The following ANKRD1 variants were observed in gnomAD, a reference collection of about 807,000 sequenced individuals.
ANKRD1 encodes ankyrin repeat domain 1.
ANKRD1 carries 32 observed loss-of-function variants against 40.1 expected under a neutral mutation model. The ratio of observed to expected loss-of-function variants is 0.80; its 90% CI spans 0.60 to 1.07. ANKRD1 has a LOEUF of 1.07. Among genes scored for constraint, ANKRD1 ranks in the 50% least tolerant of loss-of-function variants. The pLI is 0.00. For missense variants in ANKRD1, 359 were observed against 386.0 expected, an observed-to-expected ratio of 0.93 and a Z score of 0.59; for synonymous variants, 149 against 141.2, an observed-to-expected ratio of 1.06 and a Z score of -0.39.
At chr10:90,915,274 C>T (rs1325359841) in intron 8 of ANKRD1, among the ~76,000 whole-genome samples, 1 of 152,204 alleles carries the variant, frequency 6.6e-6, no homozygotes, top group Non-Finnish European at 1.5e-5. Flanking sequence ...TTTTGACTAT[C>T]TTTCATTTCC....
chr10:90,916,544 A>T (rs2120267077), intron 5 of ANKRD1, among the ~76,000 whole-genome samples: 1 of 152,336 alleles, frequency 6.6e-6, no homozygotes, highest in South Asian at 2.1e-4. Context: ...TCATGCCAAC[A>T]TGGTGCTACA....
At chr10:90,919,410 T>G in intron 2 of ANKRD1, 142 bp from the exon 3 acceptor site, 1 of 687,912 alleles carries the variant, frequency 1.5e-6, no homozygotes, top group Non-Finnish European at 2.3e-6. Context: ...ATATAAATCT[T>G]TGACTTCATT....
At chr10:90,915,478 T>G in intron 8 of ANKRD1, 65 bp downstream of exon 8, 1 of 1,385,880 alleles carries the variant, frequency 7.2e-7, no homozygotes, top group Non-Finnish European at 1.0e-6. Flanking sequence ...TCGTTTCACC[T>G]ATTTAAGAAA....
chr10:90,917,281 G>C (rs1847383020), intron 5 of ANKRD1, among the ~76,000 whole-genome samples: 1 of 152,164 alleles, frequency 6.6e-6, no homozygotes, highest in African/African-American at 2.4e-5. Context: ...ACTTTCCATA[G>C]ATGCAATTCA....
intron 2 of ANKRD1, 103 bp from the exon 3 acceptor site, chr10:90,919,371 A>AT: frequency 1.0e-6 from 1 of 987,934 alleles, no homozygotes; most frequent in Non-Finnish European, 1.5e-6. Flanking sequence ...ACATGTGAAC[A>AT]GTTTGAGCAA....
rs746944442 is a variant in ANKRD1, at chr10:90,915,827, C to A, written c.705G>T (p.Ala235=). The A allele has an allele frequency of 1.2e-6, 2 of 1,613,672 alleles. No homozygotes were observed. Among genetic ancestry groups the A allele is most frequent in the Non-Finnish European group, 1.7e-6 (2 of 1,179,948 alleles). ...VAVRTGHYEC[A]EHLIACEADL... ...CTGCCTCACAGGCGATAAGATGCTC[C>A]GCGCACTCATAGTGGCCAGTCCTCA... Residue 235 remains alanine (A), a synonymous_variant, in exon 7 of 9, where the codon GCG becomes GCT. Transcript: ENST00000371697.
Position 90,912,722 on chromosome 10 carries a change from C to G in ANKRD1, c.*144G>C. The G allele has an allele frequency of 1.3e-6, 1 of 790,992 alleles. No homozygotes were observed. The allele number at this position is 790,992 out of a possible 1,614,324, so 49.0% of individuals were successfully genotyped here. Reference sequence around the variant, plus strand: ...AAAGGAAATTTAAACACCTATAACCCTGTGCTTTCTCAAAACTTCATTAGG... The same window carrying G: ...AAAGGAAATTTAAACACCTATAACCGTGTGCTTTCTCAAAACTTCATTAGG... On this transcript the variant is annotated 3_prime_UTR_variant, in exon 9 of 9. Transcript: ENST00000371697.
At chr10:90,914,961 G>A (rs1420255386) in intron 8 of ANKRD1, among the ~76,000 whole-genome samples, 2 of 152,066 alleles carry the variant, frequency 1.3e-5, no homozygotes, top group Non-Finnish European at 2.9e-5. Flanking sequence ...TATTTTGAGA[G>A]ATGTGAAGAC....
At position 90,912,782 on chromosome 10, in the gene ANKRD1, G is replaced by T; in HGVS notation, c.*84C>A. ...ACAACACGTTGATAAATAGAAACTAGATTTTATGGCTAGTGTCTCTTCTCT... is the reference window on the plus strand; with the variant it reads ...ACAACACGTTGATAAATAGAAACTATATTTTATGGCTAGTGTCTCTTCTCT... On this transcript the variant is annotated 3_prime_UTR_variant, in exon 9 of 9. Transcript: ENST00000371697. The T allele has an allele frequency of 7.9e-7, 1 of 1,269,618 alleles. No homozygotes were observed. The allele number at this position is 1,269,618 out of a possible 1,614,324, so 78.6% of individuals were successfully genotyped here. A position where few individuals can be genotyped will look rare whatever the true frequency, so the allele number is the denominator to read the frequency against.
Position 90,921,068 on chromosome 10 carries a change from G to T in ANKRD1, c.-41C>A. 6.2e-7 allele frequency: 1 copy of T among 1,610,860 alleles called. No homozygotes were observed. ...CTTGTATGTTTTTCTGTCGTGGAAG[G>T]AATCCCTGGAGTTGGCCCTGCTGGG... On this transcript the variant is annotated 5_prime_UTR_variant, in exon 1 of 9. Transcript: ENST00000371697.
Position 90,918,931 on chromosome 10 carries a change from C to G in ANKRD1, c.387G>C (p.Leu129=). 1 of 1,610,894 alleles carries G rather than the reference C, an allele frequency of 6.2e-7. No homozygotes were observed. ...TTTCTACTACTGGCAGTTTATTCTC[C>G]AGAGCAGCCTTCAGAAACGTAGGCA... ...VDVPTFLKAA[L]ENKLPVVEKF... is the part of the protein sequence containing the mutation. Residue 129 remains leucine, a synonymous_variant, in exon 4 of 9, where the codon CTG becomes CTC. Transcript: ENST00000371697.
intron 4 of ANKRD1, 123 bp downstream of exon 4, chr10:90,918,742 G>A (rs1847398213): frequency 2.4e-6 from 2 of 821,988 alleles, no homozygotes; most frequent in East Asian, 2.7e-5. Flanking sequence ...GGCATACACA[G>A]CAACAGCTGG....
intron 5 of ANKRD1, among the ~76,000 whole-genome samples, chr10:90,917,226 C>T (rs566902800): frequency 2.0e-5 from 3 of 152,246 alleles, no homozygotes; most frequent in South Asian, 2.1e-4. Context: ...TACTGGTCTT[C>T]GTAGAAATCA....
At chr10:90,914,209 TG>T (rs1284308604) in intron 8 of ANKRD1, among the ~76,000 whole-genome samples, 2 of 152,190 alleles carry the variant, frequency 1.3e-5, no homozygotes, top group African/African-American at 4.8e-5. Flanking sequence ...TATTGATCTT[TG>T]GGGGAAACAT....
In ANKRD1 at chr10:90,916,173, T is replaced by C. The variant is rs1164354468; in HGVS notation, c.649A>G (p.Lys217Glu). ...NKGAKISARD[K>E]LLSTALHVAV... ...GGGAGAAGGAGAAGAAGGAATACCT[T>C]ATCTCGGGCGCTAATTTTTGCTCCT... The change falls in exon 6 of 9, where the codon AAG becomes GAG. Residue 217 changes from lysine (K) to glutamate (E), a missense_variant and splice_region_variant. Coordinates refer to ENST00000371697, the MANE Select transcript of ANKRD1 (RefSeq NM_014391.3). 6.2e-7 allele frequency: 1 copy of C among 1,610,630 alleles called. No individual in the cohort carries two copies. Among genetic ancestry groups the C allele is most frequent in the East Asian group, 2.2e-5 (1 of 44,802 alleles).
At position 90,912,291 on chromosome 10, in the gene ANKRD1, TA is replaced by T. The variant is rs71025330; in HGVS notation, c.*574del. 0.013 allele frequency: 923 copies of T among 70,560 alleles called. 8 individuals are homozygous for T. Among genetic ancestry groups the T allele is most frequent in the African/African-American group, 0.039 (837 of 21,518 alleles). The allele number at this position is 70,560 out of a possible 1,614,324, so 4.4% of individuals were successfully genotyped here. ...TCACTTGGGTACTCTGTGTACTCGGTAAAAAAAAAAAAAAAAAAAAAAAAAA... is the reference window on the plus strand; with the variant it reads ...TCACTTGGGTACTCTGTGTACTCGGTAAAAAAAAAAAAAAAAAAAAAAAAA... On this transcript the variant is annotated 3_prime_UTR_variant, in exon 9 of 9. Transcript: ENST00000371697.
At position 90,912,672 on chromosome 10, in the gene ANKRD1, CATAAAA is replaced by C. The variant is rs1847328319; in HGVS notation, c.*188_*193del. On this transcript the variant is annotated 3_prime_UTR_variant, in exon 9 of 9. Coordinates refer to ENST00000371697, the MANE Select transcript of ANKRD1 (RefSeq NM_014391.3). ...GGCAGTAAATAAATAAACAGGAATA[CATAAAA>C]ATAAATAAGAGTTTCACTAAAGGAA... The C allele has an allele frequency of 3.5e-6, 2 of 563,950 alleles. No individual in the cohort carries two copies. Among genetic ancestry groups the C allele is most frequent in the Non-Finnish European group, 6.4e-6 (2 of 314,944 alleles). The allele number at this position is 563,950 out of a possible 1,614,324, so 34.9% of individuals were successfully genotyped here. A position where few individuals can be genotyped will look rare whatever the true frequency, so the allele number is the denominator to read the frequency against.
At position 90,912,139 on chromosome 10, in the gene ANKRD1, C is replaced by T. The variant is rs1231916451; in HGVS notation, c.*727G>A. The T allele has an allele frequency of 1.3e-5, 2 of 151,218 alleles. No homozygotes were observed. Among genetic ancestry groups the T allele is most frequent in the Non-Finnish European group, 2.9e-5 (2 of 67,858 alleles). The allele number at this position is 151,218 out of a possible 1,614,324, so 9.4% of individuals were successfully genotyped here. On this transcript the variant is annotated 3_prime_UTR_variant, in exon 9 of 9. Coordinates refer to ENST00000371697, the MANE Select transcript of ANKRD1 (RefSeq NM_014391.3). ...TTATTATGAATATAAAATGTACATA[C>T]AATACAATATACATTTATACATTTA... is the stretch of plus-strand genomic sequence containing the variant.
In ANKRD1 at chr10:90,912,851, AGTCT is replaced by A. The variant is rs1220501293; in HGVS notation, c.*11_*14del. On this transcript the variant is annotated 3_prime_UTR_variant, in exon 9 of 9. Transcript: ENST00000371697. ...TGCCAGTGAACATTTACTGATTAAG[AGTCT>A]GTCGTTTGCCTCAGAATGTAGCTAT... 1.2e-6 allele frequency: 2 copies of A among 1,608,316 alleles called. No individual in the cohort carries two copies. The highest frequency in any genetic ancestry group is 1.7e-6 in the Non-Finnish European group (2 of 1,174,920).
Sources: allele counts gnomAD v4.1 joint callset (sites outside exome capture counted in the v4.1 genomes callset), GRCh38; gene constraint gnomAD v4.1.1; transcripts MANE v1.5; gene names NCBI Gene and HGNC (gene_info 2026-07-23, HGNC 2026-07-21).